The following TANC2 variants were observed in gnomAD, a reference collection of about 807,000 sequenced individuals.
The protein encoded by TANC2 is tetratricopeptide repeat, ankyrin repeat and coiled-coil containing 2.
A neutral mutation model predicts 210.5 loss-of-function variants in TANC2; 26 were observed. That is an observed-to-expected ratio of 0.12 (90% CI 0.09 to 0.17). The LOEUF is 0.17. TANC2 is among the 10% of genes least tolerant of loss of function. The pLI, the probability that TANC2 is intolerant of heterozygous loss-of-function variation, is 1.00. For synonymous variants in TANC2, 931 were observed against 967.1 expected (o/e 0.96, Z 0.69); for missense variants, 2,129 against 2,608.9 (o/e 0.82, Z 4.01).
At chr17:62,994,393 T>C (rs2033012628) in intron 1 of TANC2, among the ~76,000 whole-genome samples, 1 of 150,950 alleles carries the variant, frequency 6.6e-6, no homozygotes, top group Admixed American at 6.6e-5. Context: ...GGTTTTGCCA[T>C]GTTTGTCAGG....
chr17:63,121,180 A>G (rs1351849359), intron 4 of TANC2, among the ~76,000 whole-genome samples: 1 of 152,118 alleles, frequency 6.6e-6, no homozygotes, highest in Non-Finnish European at 1.5e-5. Context: ...TCTCATGGGA[A>G]TTAATCATAA....
intron 8 of TANC2, among the ~76,000 whole-genome samples, chr17:63,265,526 ATG>A (rs2043497828): frequency 2.6e-5 from 4 of 152,190 alleles, no homozygotes; most frequent in Non-Finnish European, 4.4e-5. Flanking sequence ...ATAATGACTA[ATG>A]TTTTGTAACT....
At chr17:63,094,439 A>G (rs770447460) in intron 3 of TANC2, among the ~76,000 whole-genome samples, 7 of 152,192 alleles carry the variant, frequency 4.6e-5, no homozygotes, top group Non-Finnish European at 8.8e-5. Flanking sequence ...GTACTTTTTA[A>G]AAGTAAACTT....
chr17:63,074,323 T>C (rs1474168933), intron 3 of TANC2, among the ~76,000 whole-genome samples: 1 of 152,160 alleles, frequency 6.6e-6, no homozygotes, highest in Non-Finnish European at 1.5e-5. Context: ...CCAACATTTG[T>C]TGGAGTATCA....
At chr17:63,369,055 A>G (rs987810298) in intron 14 of TANC2, among the ~76,000 whole-genome samples, 6 of 152,158 alleles carry the variant, frequency 3.9e-5, no homozygotes, top group African/African-American at 1.4e-4. Flanking sequence ...TGGCCAGAAG[A>G]CACCTTTGTC....
chr17:63,099,936 A>T (rs1401239390), intron 4 of TANC2, among the ~76,000 whole-genome samples: 1 of 152,138 alleles, frequency 6.6e-6, no homozygotes, highest in African/African-American at 2.4e-5. Context: ...TAGGTGTGAA[A>T]CTGTGGCTTT....
At chr17:63,217,177 C>G (rs1020974018) in intron 7 of TANC2, among the ~76,000 whole-genome samples, 1 of 151,846 alleles carries the variant, frequency 6.6e-6, no homozygotes, top group Non-Finnish European at 1.5e-5. Flanking sequence ...GAAGTTCAAC[C>G]GAATGTAAGC....
intron 11 of TANC2, among the ~76,000 whole-genome samples, chr17:63,336,678 C>T (rs956735907): frequency 6.6e-6 from 1 of 152,026 alleles, no homozygotes; most frequent in African/African-American, 2.4e-5. Context: ...CTGCTCATAT[C>T]AGATATGCTG....
intron 2 of TANC2, among the ~76,000 whole-genome samples, chr17:63,018,363 C>T (rs1024059711): frequency 1.3e-5 from 2 of 151,768 alleles, no homozygotes; most frequent in African/African-American, 4.8e-5. Context: ...CGCCTGTAAT[C>T]CCAGCTCCTC....
intron 1 of TANC2, among the ~76,000 whole-genome samples, chr17:62,981,050 A>C (rs554712831): frequency 5.9e-5 from 9 of 152,326 alleles, no homozygotes; most frequent in Admixed American, 5.9e-4. Context: ...TGGCTCGAGC[A>C]AACAGCTATG....
chr17:63,185,011 G>A (rs952203412), intron 5 of TANC2, among the ~76,000 whole-genome samples: 1 of 150,306 alleles, frequency 6.7e-6, no homozygotes, highest in Non-Finnish European at 1.5e-5. Context: ...GGGACAGAGT[G>A]TGAGACAGGG....
At chr17:63,314,328 CTT>C (rs1316568428) in intron 9 of TANC2, 58 bp from the exon 10 acceptor site, 19 of 1,579,004 alleles carry the variant, frequency 1.2e-5, no homozygotes, top group Middle Eastern at 3.5e-4. Flanking sequence ...TTTTTTCTCT[CTT>C]TGTTTCTCTC....
intron 1 of TANC2, among the ~76,000 whole-genome samples, chr17:62,977,789 G>A (rs241065): frequency 0.01 from 1,546 of 151,896 alleles, 24 homozygotes; most frequent in African/African-American, 0.034. Flanking sequence ...CTCTCCCCTC[G>A]GGTTTCTCCC....
chr17:63,187,637 G>A (rs1391988421), intron 5 of TANC2, among the ~76,000 whole-genome samples: 2 of 152,000 alleles, frequency 1.3e-5, no homozygotes, highest in African/African-American at 4.8e-5. Context: ...TTCTAAGTGT[G>A]ATGAAAACTA....
chr17:63,021,149 C>T (rs4246422), intron 2 of TANC2, among the ~76,000 whole-genome samples: 136,280 of 152,212 alleles, frequency 0.9, 61,408 homozygotes, highest in East Asian at 0.99. Context: ...GCATATTGAA[C>T]TTAGTTAAAA....
intron 5 of TANC2, among the ~76,000 whole-genome samples, chr17:63,173,039 T>C (rs1251798354): frequency 1.3e-5 from 2 of 152,214 alleles, no homozygotes; most frequent in African/African-American, 4.8e-5. Flanking sequence ...CGTAAAACTT[T>C]ACTGGATCAG....
chr17:62,968,947 A>G (rs1390592526), intron 1 of TANC2, among the ~76,000 whole-genome samples: 1 of 152,160 alleles, frequency 6.6e-6, no homozygotes, highest in Non-Finnish European at 1.5e-5. Flanking sequence ...TATGCAGGGG[A>G]TTGGTTCCAG....
chr17:63,419,722 C>T (rs1013610994), intron 27 of TANC2, among the ~76,000 whole-genome samples: 1 of 152,140 alleles, frequency 6.6e-6, no homozygotes. Flanking sequence ...AAACAACTTC[C>T]CGAAGGGCCT....
chr17:62,996,994 T>TTTTTTTTTTTTTTTTTTTTTTTGAG (rs2033144497), intron 1 of TANC2, among the ~76,000 whole-genome samples: 2 of 143,656 alleles, frequency 1.4e-5, no homozygotes, highest in African/African-American at 2.7e-5. Flanking sequence ...TTTGTATTTT[T>TTTTTTTTTTTTTTTTTTTTTTTGAG]AGTATAGATG....
Sources: gnomAD v4.1 joint callset for allele counts (sites outside exome capture counted in the v4.1 genomes callset) on GRCh38, gnomAD v4.1.1 for gene constraint, MANE v1.5 for transcripts, NCBI Gene and HGNC (gene_info 2026-07-23, HGNC 2026-07-21) for gene names.